The following SLC67A2 variants were observed in gnomAD, a reference collection of about 807,000 sequenced individuals.
The protein encoded by SLC67A2 is solute carrier family 67 member A2.
At chr2:102,736,459 A>G in the SLC67A2 span, 1 of 1,431,078 alleles carries the variant, frequency 7.0e-7, no homozygotes, top group Non-Finnish European at 9.2e-7. Flanking sequence ...GCAATAAAGC[A>G]GTGTGGCCAG....
the SLC67A2 span, among the ~76,000 whole-genome samples, chr2:102,729,107 C>T: frequency 4.6e-5 from 7 of 151,988 alleles, no homozygotes; most frequent in Non-Finnish European, 1.0e-4. Flanking sequence ...TATGTGCTTA[C>T]AGAAGTATGG....
chr2:102,735,210 A>T, the SLC67A2 span, among the ~76,000 whole-genome samples: 1 of 152,222 alleles, frequency 6.6e-6, no homozygotes, highest in Non-Finnish European at 1.5e-5. Context: ...CTCTGAAGTT[A>T]AAGGCATGGA....
the SLC67A2 span, chr2:102,726,802 G>T: frequency 6.5e-7 from 1 of 1,538,992 alleles, no homozygotes; most frequent in South Asian, 1.3e-5. Flanking sequence ...GAGGTTCTGG[G>T]GGAAGCTACG....
chr2:102,733,671 G>C, the SLC67A2 span, among the ~76,000 whole-genome samples: 2 of 151,758 alleles, frequency 1.3e-5, no homozygotes, highest in African/African-American at 4.8e-5. Context: ...ACATTTAAAA[G>C]ACTCAAAATG....
chr2:102,723,638 A>G, the SLC67A2 span: 1 of 1,487,642 alleles, frequency 6.7e-7, no homozygotes, highest in Non-Finnish European at 9.3e-7. Context: ...GAAATAAGAG[A>G]AAAGTAGGTA....
the SLC67A2 span, among the ~76,000 whole-genome samples, chr2:102,726,431 C>G: frequency 6.6e-6 from 1 of 152,144 alleles, no homozygotes; most frequent in Non-Finnish European, 1.5e-5. Flanking sequence ...CTGTCAAGTA[C>G]GACTCCAGGT....
the SLC67A2 span, among the ~76,000 whole-genome samples, chr2:102,723,410 G>A: frequency 7.6e-4 from 116 of 152,060 alleles, 1 homozygote; most frequent in East Asian, 0.02. Context: ...GGGAGGTTGC[G>A]GTGAGCTGAT....
chr2:102,730,466 CTT>C, the SLC67A2 span, among the ~76,000 whole-genome samples: 1 of 152,062 alleles, frequency 6.6e-6, no homozygotes, highest in Non-Finnish European at 1.5e-5. Flanking sequence ...AAATACACAA[CTT>C]TAAATAGAAT....
At chr2:102,736,500 G>A in the SLC67A2 span, 1 of 1,551,122 alleles carries the variant, frequency 6.4e-7, no homozygotes, top group Non-Finnish European at 8.6e-7. Flanking sequence ...TAGGGCAAGA[G>A]GAGAGCTTGA....
the SLC67A2 span, among the ~76,000 whole-genome samples, chr2:102,728,360 C>G: frequency 6.6e-6 from 1 of 152,156 alleles, no homozygotes; most frequent in African/African-American, 2.4e-5. Context: ...TCCTCACCCT[C>G]TCCACTAACC....
At chr2:102,724,793 C>T in the SLC67A2 span, among the ~76,000 whole-genome samples, 356 of 152,360 alleles carry the variant, frequency 2.3e-3, 2 homozygotes, top group African/African-American at 8.3e-3. Context: ...TCAACACACT[C>T]GTCCTACTAA....
chr2:102,732,978 G>A, the SLC67A2 span, among the ~76,000 whole-genome samples: 3 of 152,156 alleles, frequency 2.0e-5, no homozygotes, highest in Non-Finnish European at 4.4e-5. Context: ...TGTGTCTTTG[G>A]AAAGCTACTT....
chr2:102,723,476 GA>G, the SLC67A2 span, among the ~76,000 whole-genome samples: 21 of 146,804 alleles, frequency 1.4e-4, no homozygotes, highest in Admixed American at 1.1e-3. Context: ...TCTCAAAAAA[GA>G]AAAAAAAAAT....
the SLC67A2 span, among the ~76,000 whole-genome samples, chr2:102,728,514 A>G: frequency 6.6e-6 from 1 of 152,210 alleles, no homozygotes; most frequent in African/African-American, 2.4e-5. Flanking sequence ...CTTCCTCTAT[A>G]AAATATTTTT....
At chr2:102,716,466 T>C in the SLC67A2 span, 1 of 152,230 alleles carries the variant, frequency 6.6e-6, no homozygotes, top group Non-Finnish European at 1.5e-5. Context: ...ATATTAATAA[T>C]AGTTTGGTCT....
chr2:102,727,195 C>T, the SLC67A2 span, among the ~76,000 whole-genome samples: 1 of 150,640 alleles, frequency 6.6e-6, no homozygotes, highest in African/African-American at 2.4e-5. Context: ...TGTCCAAAAA[C>T]AAACAAACAA....
the SLC67A2 span, chr2:102,719,188 T>G: frequency 1.2e-6 from 2 of 1,612,828 alleles, no homozygotes; most frequent in Admixed American, 1.7e-5. Flanking sequence ...CTTCCCTCCA[T>G]GGAAAGAACC....
chr2:102,714,633 C>T, the SLC67A2 span, among the ~76,000 whole-genome samples: 12 of 152,204 alleles, frequency 7.9e-5, no homozygotes, highest in African/African-American at 2.9e-4. Flanking sequence ...TTCCTCATTA[C>T]AATTATAAAG....
chr2:102,731,086 A>AT, the SLC67A2 span: 6 of 1,611,534 alleles, frequency 3.7e-6, no homozygotes, highest in Non-Finnish European at 5.1e-6. Flanking sequence ...AAACAAATCA[A>AT]TAACAATAAA....
Sources: allele counts gnomAD v4.1 joint callset (sites outside exome capture counted in the v4.1 genomes callset), GRCh38; gene constraint gnomAD v4.1.1; transcripts MANE v1.5; gene names NCBI Gene and HGNC (gene_info 2026-07-23, HGNC 2026-07-21).